The following SLIT2 variants were observed in gnomAD, a reference collection of about 807,000 sequenced individuals.
SLIT2 encodes slit homolog 2 protein.
A neutral mutation model predicts 185.7 loss-of-function variants in SLIT2; 41 were observed. The observed-to-expected ratio is 0.22, with a 90% CI of 0.17 to 0.29. The LOEUF (loss-of-function observed/expected upper bound fraction) is 0.29, where lower values mean the gene tolerates loss of function less well. Ranked by LOEUF, SLIT2 falls within the 10% of genes least tolerant of loss-of-function variation. The pLI is 1.00. For missense variants in SLIT2, 1,571 were observed against 1,909.0 expected, an observed-to-expected ratio of 0.82 and a Z score of 3.30; for synonymous variants, 693 against 680.2, an observed-to-expected ratio of 1.02 and a Z score of -0.29.
intron 4 of SLIT2, among the ~76,000 whole-genome samples, chr4:20,432,123 G>A (rs1729041719): frequency 6.6e-6 from 1 of 152,168 alleles, no homozygotes; most frequent in South Asian, 2.1e-4. Flanking sequence ...TATGTTAGGT[G>A]GCTGCGATTT....
At chr4:20,424,934 A>T (rs147307838) in intron 4 of SLIT2, among the ~76,000 whole-genome samples, 1 of 152,102 alleles carries the variant, frequency 6.6e-6, no homozygotes, top group African/African-American at 2.4e-5. Context: ...AAGTGTGTCT[A>T]TATATTTTTG....
intron 11 of SLIT2, among the ~76,000 whole-genome samples, chr4:20,511,599 T>TTTTTTTTTTTTTTTTTA (rs1370895657): frequency 2.1e-5 from 3 of 142,248 alleles, no homozygotes; most frequent in South Asian, 2.3e-4. Flanking sequence ...TTTTTTTTTT[T>TTTTTTTTTTTTTTTTTA]TTTTATTTTT....
intron 33 of SLIT2, among the ~76,000 whole-genome samples, chr4:20,607,002 A>G (rs1242034582): frequency 1.3e-5 from 2 of 152,170 alleles, no homozygotes; most frequent in Admixed American, 1.3e-4. Context: ...GAGCTGGACA[A>G]CCTGGCTTCA....
At chr4:20,311,089 A>G (rs978709823) in intron 4 of SLIT2, among the ~76,000 whole-genome samples, 1 of 152,108 alleles carries the variant, frequency 6.6e-6, no homozygotes, top group African/African-American at 2.4e-5. Flanking sequence ...ATGTCTTACT[A>G]TTTTGCCCAA....
At chr4:20,520,850 A>G (rs1416013902) in intron 12 of SLIT2, among the ~76,000 whole-genome samples, 3 of 152,268 alleles carry the variant, frequency 2.0e-5, no homozygotes, top group Admixed American at 6.5e-5. Context: ...CAATAGACCA[A>G]TGAGTCATGA....
intron 26 of SLIT2, chr4:20,554,177 G>A (rs1419280878): frequency 9.9e-6 from 6 of 606,494 alleles, no homozygotes; most frequent in Non-Finnish European, 1.8e-5. Flanking sequence ...ATAGTCCATT[G>A]GTAATGACCA....
chr4:20,487,484 C>T (rs550544664), intron 7 of SLIT2, among the ~76,000 whole-genome samples: 23 of 152,072 alleles, frequency 1.5e-4, no homozygotes, highest in Non-Finnish European at 2.8e-4. Context: ...TGTAGAAATT[C>T]GTGAGTTTGT....
intron 4 of SLIT2, among the ~76,000 whole-genome samples, chr4:20,430,194 G>A (rs1345830804): frequency 6.6e-6 from 1 of 152,050 alleles, no homozygotes; most frequent in African/African-American, 2.4e-5. Context: ...CATGTTCCGT[G>A]TTGTCATATA....
intron 3 of SLIT2, 85 bp from the exon 4 acceptor site, chr4:20,268,725 G>A: frequency 1.2e-6 from 1 of 863,470 alleles, no homozygotes; most frequent in Admixed American, 1.7e-5. Context: ...CTGAAATACA[G>A]GATGAGGCAT....
chr4:20,480,402 G>T, intron 5 of SLIT2, among the ~76,000 whole-genome samples: 1 of 152,236 alleles, frequency 6.6e-6, no homozygotes, highest in East Asian at 1.9e-4. Flanking sequence ...GCAAGATGAC[G>T]CTGAAAGCTC....
chr4:20,587,977 G>C (rs1412753823), intron 29 of SLIT2, among the ~76,000 whole-genome samples: 3 of 152,110 alleles, frequency 2.0e-5, no homozygotes, highest in African/African-American at 7.2e-5. Flanking sequence ...GTCTTGGATA[G>C]ATACTACTAT....
At chr4:20,274,685 C>G (rs1713982092) in intron 4 of SLIT2, among the ~76,000 whole-genome samples, 1 of 151,766 alleles carries the variant, frequency 6.6e-6, no homozygotes, top group Admixed American at 6.6e-5. Flanking sequence ...GTGTGAAATC[C>G]ACAGCATAGC....
At chr4:20,448,143 T>C (rs766383578) in intron 4 of SLIT2, among the ~76,000 whole-genome samples, 4 of 152,152 alleles carry the variant, frequency 2.6e-5, no homozygotes, top group Non-Finnish European at 5.9e-5. Flanking sequence ...TTAAGGAATA[T>C]ATTTATTTCC....
At chr4:20,540,159 G>GT (rs1722677718) in intron 19 of SLIT2, among the ~76,000 whole-genome samples, 1 of 152,002 alleles carries the variant, frequency 6.6e-6, no homozygotes, top group African/African-American at 2.4e-5. Flanking sequence ...ATGGTGACAG[G>GT]TGCCTGTAGT....
At chr4:20,297,536 C>G (rs1716601301) in intron 4 of SLIT2, among the ~76,000 whole-genome samples, 1 of 152,206 alleles carries the variant, frequency 6.6e-6, no homozygotes, top group Non-Finnish European at 1.5e-5. Context: ...TGTTTTCTAA[C>G]CAGCAAAATC....
rs1270887173 is a variant in SLIT2, at chr4:20,472,326, C to CTA, written c.467+4510_467+4511dup. Among the ~76,000 whole-genome samples the CTA allele has an allele frequency of 1.6e-4, 7 of 43,306 alleles. 2 individuals are homozygous for CTA. The highest frequency in any genetic ancestry group is 2.4e-4 in the Non-Finnish European group (6 of 24,582). 28.4% of individuals were successfully genotyped at this position (43,306 alleles called of 152,430 possible). ...TAGATCTATATATAGATATATATAT[C>CTA]TATATATAGATCTATATATAGATAT... On this transcript the variant is annotated intron_variant, in intron 5 of 36. Coordinates refer to ENST00000504154, the MANE Select transcript of SLIT2 (RefSeq NM_004787.4).
rs1553876282 is a variant in SLIT2, at chr4:20,307,156, C to CCTTCCT, written c.395+38275_395+38276insCTTCCT. On this transcript the variant is annotated intron_variant, in intron 4 of 36. Transcript: ENST00000504154. ...CCTTCCTCCCTCCCTCCCTCCCTCC[C>CCTTCCT]TCCCTCCTTCCTTCCTTCCTTCCTT... Among the ~76,000 whole-genome samples, 49 of 15,472 alleles carry CCTTCCT rather than the reference C, an allele frequency of 3.2e-3. 1 individual carries two copies. The highest frequency in any genetic ancestry group is 4.5e-3 in the Admixed American group (4 of 890). 10.2% of individuals were successfully genotyped at this position (15,472 alleles called of 152,430 possible).
At chr4:20,482,799 A>C (rs572318438) in intron 6 of SLIT2, among the ~76,000 whole-genome samples, 5 of 152,088 alleles carry the variant, frequency 3.3e-5, no homozygotes, top group African/African-American at 9.6e-5. Flanking sequence ...TTTATATTAA[A>C]ATTTTATAAA....
In SLIT2 at chr4:20,567,328, G is replaced by A. The variant is rs774788675; in HGVS notation, c.2792G>A (p.Gly931Asp). Residue 931 changes from glycine (G) to aspartate (D), a missense_variant, in exon 27 of 37, where the codon GGC becomes GAC. By Grantham distance (94) the Gly-to-Asp change is moderately conservative. This residue lies in a region of SLIT2 where 1,202 missense variants were observed against 1,416.4 expected (regional missense o/e 0.85). Coordinates refer to ENST00000504154, the MANE Select transcript of SLIT2 (RefSeq NM_004787.4). The stretch of plus-strand genomic sequence containing the variant: ...CTATCAAATCCGTGTAAAAATGATG[G>A]CACATGTAATAGTGATCCAGTTGAC... ...PCLSNPCKND[G>D]TCNSDPVDFY... is the part of the protein sequence containing the mutation. 1.2e-6 allele frequency: 2 copies of A among 1,612,684 alleles called. No individual in the cohort carries two copies. Among genetic ancestry groups the A allele is most frequent in the Non-Finnish European group, 8.5e-7 (1 of 1,179,118 alleles).
Sources: gnomAD v4.1 joint callset for allele counts (sites outside exome capture counted in the v4.1 genomes callset) on GRCh38, gnomAD v4.1.1 for gene constraint, gnomAD v4.1.1 regional missense constraint, MANE v1.5 for transcripts, NCBI Gene and HGNC (gene_info 2026-07-23, HGNC 2026-07-21) for gene names.